Variants in CHSY1 observed in about 807,000 individuals in gnomAD.
The protein encoded by CHSY1 is chondroitin sulfate synthase 1.
A neutral mutation model predicts 59.8 loss-of-function variants in CHSY1; 13 were observed. The ratio of observed to expected loss-of-function variants is 0.22; its 90% CI spans 0.14 to 0.35. The LOEUF is 0.35. CHSY1 is among the 10% of genes least tolerant of loss of function. The probability of loss-of-function intolerance (pLI) is 1.00; values close to 1 mark genes in which losing one functional copy is unlikely to be tolerated. For missense variants in CHSY1, 947 were observed against 1,030.6 expected (o/e 0.92, Z 1.11); for synonymous variants, 459 against 401.2 (o/e 1.14, Z -1.72).
chr15:101,179,082 C>T (rs2038240091), intron 2 of CHSY1, 102 bp from the exon 3 acceptor site: 2 of 1,165,226 alleles, frequency 1.7e-6, no homozygotes, highest in East Asian at 2.4e-5. Context: ...CTGAATGGAC[C>T]ACAGCACACA....
chr15:101,178,899 C>G lies in CHSY1; in HGVS notation c.898G>C (p.Ala300Pro). 1 of 1,614,058 alleles carries G rather than the reference C, an allele frequency of 6.2e-7. No individual in the cohort carries two copies. Among genetic ancestry groups the G allele is most frequent in the Non-Finnish European group, 8.5e-7 (1 of 1,179,968 alleles). ...RDLHNSKIHQ[A>P]ITLHPNKNPP... ...TTTTTGTTGGGGTGTAATGTGATAG[C>G]TTGGTGAATTTTACTGTTATGGAGA... The change falls in exon 3 of 3, where the codon GCT becomes CCT. Residue 300 changes from alanine (A) to proline (P), a missense_variant. By Grantham distance (27) the Ala-to-Pro change is conservative. This residue lies in a region of CHSY1 where 602 missense variants were observed against 676.9 expected (regional missense o/e 0.89). Transcript: ENST00000254190.
At position 101,175,973 on chromosome 15, in the gene CHSY1, C is replaced by A. The variant is rs2038182266; in HGVS notation, c.*1415G>T. 3 of 288,648 alleles carry A rather than the reference C, an allele frequency of 1.0e-5. No individual in the cohort carries two copies. The highest frequency in any genetic ancestry group is 1.9e-5 in the Non-Finnish European group (3 of 157,838). 17.9% of individuals were successfully genotyped at this position (288,648 alleles called of 1,614,324 possible). A position where few individuals can be genotyped will look rare whatever the true frequency, so the allele number is the denominator to read the frequency against. On this transcript the variant is annotated 3_prime_UTR_variant, in exon 3 of 3. Coordinates refer to ENST00000254190, the MANE Select transcript of CHSY1 (RefSeq NM_014918.5). ...AGGCACATTTGATCTGAGAATTTAA[C>A]TTTCTGGTATAATGACAGATTCATT...
intron 2 of CHSY1, among the ~76,000 whole-genome samples, chr15:101,208,426 C>G (rs961600917): frequency 6.6e-6 from 1 of 152,030 alleles, no homozygotes; most frequent in Non-Finnish European, 1.5e-5. Context: ...CAAAAAGATA[C>G]AGAAGGCCAG....
At chr15:101,223,154 C>T (rs530260535) in intron 2 of CHSY1, among the ~76,000 whole-genome samples, 5 of 152,276 alleles carry the variant, frequency 3.3e-5, no homozygotes, top group Non-Finnish European at 5.9e-5. Flanking sequence ...CCACCACGCC[C>T]GGCTAATTTT....
intron 1 of CHSY1, among the ~76,000 whole-genome samples, chr15:101,245,779 T>G (rs2039044491): frequency 6.6e-6 from 1 of 152,184 alleles, no homozygotes; most frequent in African/African-American, 2.4e-5. Flanking sequence ...AGCCACATGG[T>G]TCCCTAGTCT....
intron 1 of CHSY1, 80 bp downstream of exon 1, chr15:101,251,054 AGGC>A: frequency 2.3e-6 from 3 of 1,318,650 alleles, no homozygotes; most frequent in Admixed American, 2.0e-5. Context: ...AAGCGGGCGG[AGGC>A]GAGAGCCAGG....
rs184090668 is a variant in CHSY1, at chr15:101,240,752, C to G, written c.321-5175G>C. Among the ~76,000 whole-genome samples the G allele has an allele frequency of 5.4e-4, 82 of 152,318 alleles. 1 individual carries two copies. The highest frequency in any genetic ancestry group is 1.9e-3 in the African/African-American group (79 of 41,568). The stretch of plus-strand genomic sequence containing the variant: ...AAAAAAATCAGACTTTGGTGATAAC[C>G]TTGAGCGGGATATAAATAACTCCCA... On this transcript the variant is annotated intron_variant, in intron 1 of 2. Coordinates refer to ENST00000254190, the MANE Select transcript of CHSY1 (RefSeq NM_014918.5).
chr15:101,226,856 A>G (rs1471727957), intron 2 of CHSY1, among the ~76,000 whole-genome samples: 2 of 152,236 alleles, frequency 1.3e-5, no homozygotes, highest in Non-Finnish European at 2.9e-5. Context: ...TCTTAAACAG[A>G]GTATAAGGCG....
intron 2 of CHSY1, among the ~76,000 whole-genome samples, chr15:101,231,913 G>C (rs1335096907): frequency 2.0e-5 from 3 of 152,142 alleles, no homozygotes; most frequent in Non-Finnish European, 4.4e-5. Flanking sequence ...TGTGGCAAGG[G>C]GAGCCAGGAG....
chr15:101,217,508 T>G (rs554353087), intron 2 of CHSY1, among the ~76,000 whole-genome samples: 1 of 152,174 alleles, frequency 6.6e-6, no homozygotes, highest in South Asian at 2.1e-4. Flanking sequence ...CTCGATTCCT[T>G]GAAGAAATGG....
rs74520606 is a variant in CHSY1 at position 101,206,369 on chromosome 15, C to A, written c.817-27389G>T. On this transcript the variant is annotated intron_variant, in intron 2 of 2. Coordinates refer to ENST00000254190, the MANE Select transcript of CHSY1 (RefSeq NM_014918.5). ...GATCCACTGAAGAGAACCACTGAGT[C>A]AGAGGCAGGGGTGGAGGTCGCAGTG... is the stretch of plus-strand genomic sequence containing the variant. Among the ~76,000 whole-genome samples the A allele has an allele frequency of 6.5e-3, 984 of 152,198 alleles. 10 individuals carry two copies. Among genetic ancestry groups the A allele is most frequent in the African/African-American group, 0.023 (934 of 41,508 alleles).
intron 2 of CHSY1, among the ~76,000 whole-genome samples, chr15:101,224,477 T>G (rs2038820006): frequency 6.6e-6 from 1 of 152,114 alleles, no homozygotes; most frequent in Non-Finnish European, 1.5e-5. Flanking sequence ...CATCACTAAA[T>G]CATAAGAAAT....
In CHSY1 at chr15:101,235,563, G is replaced by C; in HGVS notation, c.335C>G (p.Thr112Arg). The C allele has an allele frequency of 1.2e-6, 2 of 1,610,508 alleles. No homozygotes were observed. Among genetic ancestry groups the C allele is most frequent in the African/African-American group, 1.3e-5 (1 of 74,996 alleles). ...GAAGAACTGAACTTTCCCAGGAATT[G>C]TCTTGGACCATGTTCTGGAATTAAA... ...AVAAYRTWSK[T>R]IPGKVQFFSS... Residue 112 changes from threonine (T) to arginine (R), a missense_variant, in exon 2 of 3, where the codon ACA becomes AGA. Transcript: ENST00000254190.
intron 2 of CHSY1, among the ~76,000 whole-genome samples, chr15:101,184,525 T>G (rs566688020): frequency 6.6e-6 from 1 of 152,118 alleles, no homozygotes; most frequent in African/African-American, 2.4e-5. Context: ...ATTTTTGTAT[T>G]TTTTTGTAGA....
At chr15:101,220,622 C>G (rs1329406525) in intron 2 of CHSY1, among the ~76,000 whole-genome samples, 1 of 152,222 alleles carries the variant, frequency 6.6e-6, no homozygotes, top group African/African-American at 2.4e-5. Context: ...TCTCCATGAG[C>G]AGAGCAGAGG....
At chr15:101,242,541 T>C (rs1185411208) in intron 1 of CHSY1, 3 of 152,412 alleles carry the variant, frequency 2.0e-5, no homozygotes, top group African/African-American at 7.2e-5. Flanking sequence ...GATGGAGGTA[T>C]CCTTACAGGA....
At chr15:101,235,726 G>T in intron 1 of CHSY1, 149 bp from the exon 2 acceptor site, 1 of 785,490 alleles carries the variant, frequency 1.3e-6, no homozygotes, top group Non-Finnish European at 2.0e-6. Flanking sequence ...GAAAGCCCAG[G>T]TTACCGCGTA....
At chr15:101,236,453 A>G (rs909415828) in intron 1 of CHSY1, among the ~76,000 whole-genome samples, 13 of 152,296 alleles carry the variant, frequency 8.5e-5, no homozygotes, top group Admixed American at 2.0e-4. Context: ...GTCTGCCACC[A>G]AGTAAGACGT....
chr15:101,238,015 T>C (rs144501947), intron 1 of CHSY1, among the ~76,000 whole-genome samples: 59 of 152,320 alleles, frequency 3.9e-4, no homozygotes, highest in African/African-American at 1.4e-3. Flanking sequence ...ACCAAATCTC[T>C]GCGGAAGAGG....
Sources: allele counts gnomAD v4.1 joint callset (sites outside exome capture counted in the v4.1 genomes callset), GRCh38; gene constraint gnomAD v4.1.1; regional missense constraint gnomAD v4.1.1; transcripts MANE v1.5; gene names NCBI Gene and HGNC (gene_info 2026-07-23, HGNC 2026-07-21).